The following COMMD10 variants were observed in gnomAD, a reference collection of about 807,000 sequenced individuals.
The protein encoded by COMMD10 is COMM domain containing 10.
Under a neutral mutation model 28.9 loss-of-function variants are expected in COMMD10, and 33 were observed. The ratio of observed to expected loss-of-function variants is 1.14; its 90% CI spans 0.87 to 1.53. COMMD10 has a LOEUF of 1.53. Among genes scored for constraint, COMMD10 ranks in the 40% most tolerant of loss-of-function variants. The probability of loss-of-function intolerance (pLI) is 0.00; values close to 1 mark genes in which losing one functional copy is unlikely to be tolerated. For synonymous variants in COMMD10, 110 were observed against 81.7 expected (o/e 1.35, Z -1.87); for missense variants, 310 against 233.4 (o/e 1.33, Z -2.14).
chr5:116,239,103 C>A (rs13354846), intron 5 of COMMD10, among the ~76,000 whole-genome samples: 1 of 152,070 alleles, frequency 6.6e-6, no homozygotes, highest in African/African-American at 2.4e-5. Flanking sequence ...AACAGCAAAG[C>A]TTGTTTTTTT....
intron 5 of COMMD10, among the ~76,000 whole-genome samples, chr5:116,177,601 C>G (rs906373797): frequency 6.6e-6 from 1 of 150,922 alleles, no homozygotes; most frequent in Non-Finnish European, 1.5e-5. Context: ...TTCTTTTCAT[C>G]CCACTTTCCC....
At chr5:116,269,096 TAATA>T in intron 5 of COMMD10, among the ~76,000 whole-genome samples, 1 of 151,720 alleles carries the variant, frequency 6.6e-6, no homozygotes, top group South Asian at 2.1e-4. Flanking sequence ...TAAAGTATAA[TAATA>T]ATAATTTAAA....
chr5:116,199,400 C>T (rs1206673410), intron 5 of COMMD10, among the ~76,000 whole-genome samples: 2 of 152,016 alleles, frequency 1.3e-5, no homozygotes, highest in East Asian at 3.8e-4. Context: ...TCCCAGTCAT[C>T]TTTAGCTTGT....
chr5:116,288,322 A>G (rs1244746109), intron 5 of COMMD10, among the ~76,000 whole-genome samples: 2 of 151,772 alleles, frequency 1.3e-5, no homozygotes, highest in African/African-American at 2.4e-5. Context: ...TGATAATATT[A>G]TGGAAGCTCC....
intron 5 of COMMD10, among the ~76,000 whole-genome samples, chr5:116,248,325 G>C (rs1032883968): frequency 2.6e-5 from 4 of 151,804 alleles, no homozygotes; most frequent in Non-Finnish European, 4.4e-5. Context: ...GATACAGATG[G>C]AACTACAAGG....
intron 5 of COMMD10, among the ~76,000 whole-genome samples, chr5:116,247,595 ATG>A (rs1749987680): frequency 6.6e-6 from 1 of 152,102 alleles, no homozygotes; most frequent in Non-Finnish European, 1.5e-5. Flanking sequence ...GATAAAGAAA[ATG>A]TGGTACATAC....
chr5:116,244,210 C>G (rs749353438), intron 5 of COMMD10, among the ~76,000 whole-genome samples: 2 of 152,032 alleles, frequency 1.3e-5, no homozygotes, highest in Non-Finnish European at 2.9e-5. Flanking sequence ...TGCTTTCTTT[C>G]ATTTTTTTTC....
intron 5 of COMMD10, among the ~76,000 whole-genome samples, chr5:116,241,747 G>A (rs1256768117): frequency 1.3e-5 from 2 of 151,948 alleles, no homozygotes; most frequent in African/African-American, 4.8e-5. Context: ...TGAGTAGCTG[G>A]GACTACAGGC....
intron 1 of COMMD10, 120 bp downstream of exon 1, chr5:116,085,213 G>C: frequency 1.4e-6 from 1 of 713,678 alleles, no homozygotes; most frequent in Non-Finnish European, 2.4e-6. Context: ...TGAGTGGGGT[G>C]GGGTGGGGTG....
intron 5 of COMMD10, among the ~76,000 whole-genome samples, chr5:116,234,952 C>G (rs1425922867): frequency 6.6e-6 from 1 of 152,178 alleles, no homozygotes; most frequent in Non-Finnish European, 1.5e-5. Flanking sequence ...TCTTCAGAGT[C>G]TGACACCTTT....
At chr5:116,251,290 A>G (rs62385976) in intron 5 of COMMD10, among the ~76,000 whole-genome samples, 3 of 136,930 alleles carry the variant, frequency 2.2e-5, no homozygotes, top group African/African-American at 5.7e-5. Context: ...TTATTTATTT[A>G]TTTATTTATT....
chr5:116,145,538 A>T (rs533230708), intron 5 of COMMD10, among the ~76,000 whole-genome samples: 4 of 151,980 alleles, frequency 2.6e-5, no homozygotes, highest in African/African-American at 9.6e-5. Context: ...TGTTCGGGGC[A>T]GGGTGGTAAG....
At chr5:116,191,819 T>C (rs947420987) in intron 5 of COMMD10, among the ~76,000 whole-genome samples, 5 of 152,020 alleles carry the variant, frequency 3.3e-5, no homozygotes, top group Non-Finnish European at 5.9e-5. Flanking sequence ...CACCACCTCC[T>C]GGCAGGAGGC....
chr5:116,250,112 G>A (rs1408965223), intron 5 of COMMD10, among the ~76,000 whole-genome samples: 1 of 151,644 alleles, frequency 6.6e-6, no homozygotes, highest in Non-Finnish European at 1.5e-5. Flanking sequence ...AAAGAAATCT[G>A]ACTTTTTACT....
rs190916791 is a variant in COMMD10 at position 116,216,317 on chromosome 5, C to G, written c.511-75200C>G. On this transcript the variant is annotated intron_variant, in intron 5 of 6. Coordinates refer to ENST00000274458, the MANE Select transcript of COMMD10 (RefSeq NM_016144.4). Reference sequence around the variant, plus strand: ...TATGTTAACAAAAGGTAGAAAAACTCATCACACTTAGCATGTATACAGTAC... The same window carrying G: ...TATGTTAACAAAAGGTAGAAAAACTGATCACACTTAGCATGTATACAGTAC... Among the ~76,000 whole-genome samples, 11 of 152,244 alleles carry G rather than the reference C, an allele frequency of 7.2e-5. No homozygotes were observed. In the East Asian group the frequency reaches 1.9e-3, roughly 27 times the overall value.
chr5:116,090,996 A>G, intron 2 of COMMD10, 83 bp from the exon 3 acceptor site: 1 of 748,522 alleles, frequency 1.3e-6, no homozygotes, highest in Non-Finnish European at 2.2e-6. Context: ...CATCTCATAT[A>G]CGAATAAATG....
intron 5 of COMMD10, among the ~76,000 whole-genome samples, chr5:116,196,106 G>A (rs911103882): frequency 2.0e-5 from 3 of 152,152 alleles, no homozygotes; most frequent in Non-Finnish European, 4.4e-5. Flanking sequence ...AGGAAAAGAA[G>A]TCATTATTTG....
chr5:116,254,087 A>T (rs778724494), intron 5 of COMMD10, among the ~76,000 whole-genome samples: 9 of 151,964 alleles, frequency 5.9e-5, no homozygotes, highest in Non-Finnish European at 1.0e-4. Flanking sequence ...ATTTGCATAG[A>T]GGTGTTTGTA....
intron 4 of COMMD10, among the ~76,000 whole-genome samples, chr5:116,117,222 T>C (rs1023216603): frequency 6.6e-6 from 1 of 152,234 alleles, no homozygotes; most frequent in Non-Finnish European, 1.5e-5. Context: ...ATGAGTAAGA[T>C]TGCTATGAAC....
Sources: allele counts gnomAD v4.1 joint callset (sites outside exome capture counted in the v4.1 genomes callset), GRCh38; gene constraint gnomAD v4.1.1; transcripts MANE v1.5; gene names NCBI Gene and HGNC (gene_info 2026-07-23, HGNC 2026-07-21).